MAST1: variants seen among roughly 807,000 people sequenced by gnomAD.
The protein encoded by MAST1 is microtubule associated serine/threonine kinase 1, also known as microtubule-associated serine/threonine-protein kinase 1.
In MAST1, 40 loss-of-function variants were observed where a neutral mutation model predicts 124.6. The ratio of observed to expected loss-of-function variants is 0.32; its 90% CI spans 0.25 to 0.42. MAST1 has a LOEUF of 0.42. Among genes scored for constraint, MAST1 ranks in the 10% least tolerant of loss-of-function variants. The pLI is 1.00. For missense variants in MAST1, 1,558 were observed against 2,181.9 expected, an observed-to-expected ratio of 0.71 and a Z score of 5.70; for synonymous variants, 938 against 939.4, an observed-to-expected ratio of 1.00 and a Z score of 0.03.
Position 12,865,782 on chromosome 19 carries a change from C to T in MAST1, c.1870C>T (p.Leu624Phe), listed in dbSNP as rs776854784. The change falls in exon 16 of 26, where the codon CTC (leucine) becomes TTC (phenylalanine). Residue 624 changes from leucine to phenylalanine, a missense_variant. Physicochemically the swap from Leu to Phe is conservative, Grantham distance 22. Transcript: ENST00000251472. This position sits in a 1 kb window ranked among gnomAD's most constrained non-coding sequence, Gnocchi z 7.1. ...PTEAQLLISS[L>F]LQTNPLVRLG... is the part of the protein sequence containing the mutation. ...GGAGGCCCAACTCCTCATATCCAGC[C>T]TCCTGCAGACCAACCCTCTGGTCAG... The T allele has an allele frequency of 6.2e-7, 1 of 1,613,952 alleles. No individual in the cohort carries two copies.
Position 12,866,153 on chromosome 19 carries a change from G to T in MAST1, c.2029+51G>T. On this transcript the variant is annotated intron_variant, in intron 17 of 25. Coordinates refer to ENST00000251472, the MANE Select transcript of MAST1 (RefSeq NM_014975.3). This position sits in a 1 kb window ranked among gnomAD's most constrained non-coding sequence, Gnocchi z 5.2. The stretch of plus-strand genomic sequence containing the variant: ...TGGGTCGAGGGGTGGGATCCGGGAA[G>T]AGGGACCCTGGGGTAAGTAAAGCCT... The T allele has an allele frequency of 6.2e-7, 1 of 1,608,832 alleles. No individual in the cohort carries two copies. The highest frequency in any genetic ancestry group is 8.5e-7 in the Non-Finnish European group (1 of 1,178,254).
Position 12,858,588 on chromosome 19 carries a change from C to A in MAST1, c.1215C>A (p.Ile405=). The stretch of plus-strand genomic sequence containing the variant: ...GGCAGCGCTTTGCCATGAAAAAGAT[C>A]AACAAGCAGAACTTGATCCTCCGCA... ...DTRQRFAMKK[I]NKQNLILRNQ... is the part of the protein sequence containing the mutation. Residue 405 remains isoleucine (I), a synonymous_variant, in exon 12 of 26, where the codon ATC becomes ATA. Coordinates refer to ENST00000251472, the MANE Select transcript of MAST1 (RefSeq NM_014975.3). The A allele has an allele frequency of 6.2e-7, 1 of 1,614,256 alleles. No individual in the cohort carries two copies. Among genetic ancestry groups the A allele is most frequent in the Non-Finnish European group, 8.5e-7 (1 of 1,180,044 alleles).
Position 12,864,842 on chromosome 19 carries a change from G to A in MAST1, c.1400G>A (p.Gly467Glu). Residue 467 changes from glycine (G) to glutamate (E), a missense_variant, in exon 13 of 26, where the codon GGA (glycine) becomes GAA (glutamate). Coordinates refer to ENST00000251472, the MANE Select transcript of MAST1 (RefSeq NM_014975.3). ...GDCATLLKNIGALPVEMARMY... is the reference protein window; with the variant it reads ...GDCATLLKNIEALPVEMARMY... ...TGTGCCACCCTGCTGAAGAATATTG[G>A]AGCGCTGCCCGTAGAGATGGCCCGC... 1 of 1,613,992 alleles carries A rather than the reference G, an allele frequency of 6.2e-7. No homozygotes were observed. The highest frequency in any genetic ancestry group is 2.2e-5 in the East Asian group (1 of 44,892).
At chr19:12,851,131 A>G (rs1317642872) in intron 7 of MAST1, among the ~76,000 whole-genome samples, 25 of 152,052 alleles carry the variant, frequency 1.6e-4, no homozygotes, top group Admixed American at 1.6e-3. Flanking sequence ...TACTTCCAGT[A>G]GAGATGGGGT....
rs755913056 is a variant in MAST1 at position 12,870,938 on chromosome 19, A to T, written c.3118A>T (p.Ile1040Phe). ...GMVHPEVVEL[I>F]LKSGNKVAVT... ...GGTGCATCCTGAGGTCGTGGAGCTGATCCTTAAGGTGAGTGCAGGGAAGGA... is the reference window on the plus strand; with the variant it reads ...GGTGCATCCTGAGGTCGTGGAGCTGTTCCTTAAGGTGAGTGCAGGGAAGGA... Residue 1040 changes from isoleucine to phenylalanine, a missense_variant, in exon 23 of 26, where the codon ATC becomes TTC. Ile to Phe is a conservative substitution (Grantham distance 21, BLOSUM62 0). Transcript: ENST00000251472. 5 of 1,613,864 alleles carry T rather than the reference A, an allele frequency of 3.1e-6. No individual in the cohort carries two copies. In the South Asian group the frequency reaches 5.5e-5, roughly 18 times the overall value.
chr19:12,861,771 C>A (rs1485481655), intron 12 of MAST1, among the ~76,000 whole-genome samples: 1 of 149,636 alleles, frequency 6.7e-6, no homozygotes, highest in African/African-American at 2.5e-5. Context: ...GGCGCATCCT[C>A]GGCTCACTGC....
At chr19:12,858,948 C>T in intron 12 of MAST1, 1 of 613,854 alleles carries the variant, frequency 1.6e-6, no homozygotes, top group Non-Finnish European at 2.9e-6. Flanking sequence ...TCATTTCATT[C>T]AGCATAAAAA....
intron 22 of MAST1, among the ~76,000 whole-genome samples, 164 bp from the exon 23 acceptor site, chr19:12,870,660 G>GT (rs1241479632): frequency 3.9e-5 from 3 of 77,622 alleles, no homozygotes; most frequent in African/African-American, 1.5e-4. Context: ...GTGAGACTCC[G>GT]TCCAAAAAAA....
chr19:12,865,330 A>G lies in MAST1; in HGVS notation c.1653A>G (p.Pro551=). 1 of 1,597,128 alleles carries G rather than the reference A, an allele frequency of 6.3e-7. No homozygotes were observed. The highest frequency in any genetic ancestry group is 8.5e-7 in the Non-Finnish European group (1 of 1,171,654). ...CCTGCCCCCAGGTGTGTGGGACCCC[A>G]GAGTACATCGCGCCCGAGGTCATCC... ...EFLDKQVCGT[P]EYIAPEVILR... is the part of the protein sequence containing the mutation. Residue 551 remains proline (P), a synonymous_variant, in exon 15 of 26, where the codon CCA becomes CCG. Transcript: ENST00000251472. This position sits in a 1 kb window ranked among gnomAD's most constrained non-coding sequence, Gnocchi z 7.1.
At chr19:12,850,594 A>G (rs1969948362) in intron 7 of MAST1, among the ~76,000 whole-genome samples, 1 of 152,208 alleles carries the variant, frequency 6.6e-6, no homozygotes, top group Non-Finnish European at 1.5e-5. Context: ...CAATAATACT[A>G]TTTTCATTGA....
chr19:12,865,687 A>T lies in MAST1; in HGVS notation c.1805-30A>T. On this transcript the variant is annotated intron_variant, in intron 15 of 25. Coordinates refer to ENST00000251472, the MANE Select transcript of MAST1 (RefSeq NM_014975.3). This position sits in a 1 kb window ranked among gnomAD's most constrained non-coding sequence, Gnocchi z 7.1. ...TGTCCAAACAACAACAACAACAAAA[A>T]CCGCCCCTAAGTTCCGTTTTGTTTT... 1 of 1,566,884 alleles carries T rather than the reference A, an allele frequency of 6.4e-7. No individual in the cohort carries two copies. Among genetic ancestry groups the T allele is most frequent in the Non-Finnish European group, 8.7e-7 (1 of 1,147,008 alleles).
At chr19:12,862,438 A>G (rs1242738511) in intron 12 of MAST1, among the ~76,000 whole-genome samples, 1 of 152,166 alleles carries the variant, frequency 6.6e-6, no homozygotes, top group African/African-American at 2.4e-5. Flanking sequence ...AACTACAGGC[A>G]GGCACCACCA....
At chr19:12,839,552 G>T (rs1969801944) in intron 1 of MAST1, among the ~76,000 whole-genome samples, 1 of 152,034 alleles carries the variant, frequency 6.6e-6, no homozygotes, top group Admixed American at 6.5e-5. Context: ...AAAATCACAT[G>T]TTATCACATT....
At position 12,841,012 on chromosome 19, in the gene MAST1, C is replaced by T. The variant is rs1380473782; in HGVS notation, c.194C>T (p.Pro65Leu). ...GHLGSSPLDSPRNFSPNTPAH... is the reference protein window; with the variant it reads ...GHLGSSPLDSLRNFSPNTPAH... ...ATAGGCAGCAGTCCCCTGGACAGCC[C>T]CCGAAACTTCTCCCCCAACACCCCC... Residue 65 changes from proline (P) to leucine (L), a missense_variant, in exon 3 of 26, where the codon CCC becomes CTC. Transcript: ENST00000251472. This position sits in a 1 kb window ranked among gnomAD's most constrained non-coding sequence, Gnocchi z 4.3. The T allele has an allele frequency of 6.9e-7, 1 of 1,444,902 alleles. No homozygotes were observed. Among genetic ancestry groups the T allele is most frequent in the Non-Finnish European group, 9.8e-7 (1 of 1,024,890 alleles). The allele number at this position is 1,444,902 out of a possible 1,614,324, so 89.5% of individuals were successfully genotyped here. A position where few individuals can be genotyped will look rare whatever the true frequency, so the allele number is the denominator to read the frequency against.
Position 12,838,629 on chromosome 19 carries a change from C to T in MAST1, c.57C>T (p.Gly19=), listed in dbSNP as rs746251704. 1.9e-6 allele frequency: 3 copies of T among 1,610,114 alleles called. No individual in the cohort carries two copies. The African/African-American group carries it at 4.0e-5, about 22-fold the overall frequency. The part of the protein sequence containing the change: ...LSNFSMPSFP[G]GSMFRRTKSC... ...ATTTCTCGATGCCCTCCTTCCCCGGCGGCAGTATGTTCCGCCGCACCAAGA... is the reference window on the plus strand; with the variant it reads ...ATTTCTCGATGCCCTCCTTCCCCGGTGGCAGTATGTTCCGCCGCACCAAGA... Residue 19 remains glycine (G), a synonymous_variant, in exon 1 of 26, where the codon GGC becomes GGT. Coordinates refer to ENST00000251472, the MANE Select transcript of MAST1 (RefSeq NM_014975.3). The surrounding 1 kb of genome is among the most constrained non-coding windows in gnomAD (Gnocchi z 4.3).
intron 12 of MAST1, among the ~76,000 whole-genome samples, chr19:12,863,794 A>G (rs1313824455): frequency 6.6e-6 from 1 of 152,220 alleles, no homozygotes; most frequent in East Asian, 1.9e-4. Context: ...ACCAATGCCA[A>G]TTACAGTAAA....
chr19:12,839,970 G>A (rs1389259249), intron 1 of MAST1, among the ~76,000 whole-genome samples: 2 of 152,188 alleles, frequency 1.3e-5, no homozygotes, highest in African/African-American at 4.8e-5. Context: ...TTATGGACAA[G>A]TGGCATTTCA....
At chr19:12,859,824 C>T (rs1326135534) in intron 12 of MAST1, among the ~76,000 whole-genome samples, 7 of 132,730 alleles carry the variant, frequency 5.3e-5, no homozygotes, top group South Asian at 2.8e-4. Flanking sequence ...GACCCTGTCC[C>T]GCAAAAAAAA....
intron 20 of MAST1, 126 bp downstream of exon 20, chr19:12,868,103 A>ATTTTTTGTTTTTTTTTTTTTTT (rs1970181848): frequency 3.4e-6 from 1 of 291,088 alleles, no homozygotes; most frequent in African/African-American, 4.4e-5. Flanking sequence ...GCAATTTGGG[A>ATTTTTTGTTTTTTTTTTTTTTT]TTTTTTTTTT....
Sources: gnomAD v4.1 joint callset for allele counts (sites outside exome capture counted in the v4.1 genomes callset) on GRCh38, gnomAD v4.1.1 for gene constraint, Gnocchi (gnomAD v3.1) non-coding constraint, MANE v1.5 for transcripts, NCBI Gene and HGNC (gene_info 2026-07-23, HGNC 2026-07-21) for gene names.